The following BRDT variants were observed in gnomAD, a reference collection of about 807,000 sequenced individuals.
BRDT encodes the protein bromodomain testis-specific protein.
BRDT carries 77 observed loss-of-function variants against 113.9 expected under a neutral mutation model. The ratio of observed to expected loss-of-function variants is 0.68; its 90% CI spans 0.56 to 0.82. The LOEUF is 0.82. Ranked by LOEUF, BRDT falls within the 40% of genes least tolerant of loss-of-function variation. The probability of loss-of-function intolerance (pLI) is 0.00; values close to 1 mark genes in which losing one functional copy is unlikely to be tolerated. For missense variants in BRDT, 1,027 were observed against 1,105.4 expected (o/e 0.93, Z 1.01); for synonymous variants, 358 against 366.5 (o/e 0.98, Z 0.26).
At chr1:91,987,106 G>C (rs1409311160) in intron 12 of BRDT, among the ~76,000 whole-genome samples, 1 of 151,970 alleles carries the variant, frequency 6.6e-6, no homozygotes, top group African/African-American at 2.4e-5. Context: ...TTTTAGTAGA[G>C]AGTGGGTTTC....
chr1:92,014,367 C>T lies in BRDT; in HGVS notation c.*93C>T, dbSNP rs1688040908. 3 of 830,172 alleles carry T rather than the reference C, an allele frequency of 3.6e-6. No individual in the cohort carries two copies. Among genetic ancestry groups the T allele is most frequent in the Admixed American group, 6.4e-5 (2 of 31,480 alleles). The allele number at this position is 830,172 out of a possible 1,614,324, so 51.4% of individuals were successfully genotyped here. On this transcript the variant is annotated 3_prime_UTR_variant, in exon 19 of 19. Transcript: ENST00000399546. ...TGATTGCTTTCAGATAACAAGATAC[C>T]AATCTTATATTGTATTTTGACTGCT...
At position 91,978,164 on chromosome 1, in the gene BRDT, T is replaced by G; in HGVS notation, c.970-4T>G. The G allele has an allele frequency of 6.2e-7, 1 of 1,609,788 alleles. No homozygotes were observed. The highest frequency in any genetic ancestry group is 1.1e-5 in the South Asian group (1 of 90,618). ...GTGAATCCTGTAGTTTTTCTTTAAT[T>G]TAGGAGAAAATGGATAACCAAGAAT... On this transcript the variant is annotated splice_polypyrimidine_tract_variant and splice_region_variant and intron_variant, in intron 6 of 18. Coordinates refer to ENST00000399546, the MANE Select transcript of BRDT (RefSeq NM_207189.4).
chr1:91,982,029 T>G (rs1684778896), intron 12 of BRDT, among the ~76,000 whole-genome samples: 1 of 152,164 alleles, frequency 6.6e-6, no homozygotes. Context: ...TAATTTCAAA[T>G]CTTAATATCA....
chr1:91,954,271 ATTTTTTTT>A (rs34674557), intron 1 of BRDT, among the ~76,000 whole-genome samples: 2 of 79,764 alleles, frequency 2.5e-5, no homozygotes, highest in African/African-American at 5.1e-5. Flanking sequence ...GGTGCTCGGC[ATTTTTTTT>A]TTTTTTTTTT....
At position 91,981,068 on chromosome 1, in the gene BRDT, C is replaced by T; in HGVS notation, c.1640C>T (p.Ser547Phe). The part of the protein sequence containing the change: ...IQSREPSLSN[S>F]NPDEIEIDFE... ...TCAAGAGAGCCTTCTCTGAGCAATT[C>T]CAATCCTGATGAGATAGAGATAGAC... Residue 547 changes from serine to phenylalanine, a missense_variant, in exon 10 of 19, where the codon TCC becomes TTC. By Grantham distance (155) the Ser-to-Phe change is radical. Coordinates refer to ENST00000399546, the MANE Select transcript of BRDT (RefSeq NM_207189.4). 1.2e-6 allele frequency: 2 copies of T among 1,614,088 alleles called. No individual in the cohort carries two copies. The highest frequency in any genetic ancestry group is 1.7e-6 in the Non-Finnish European group (2 of 1,179,986).
At chr1:91,967,480 C>T (rs993984785) in intron 3 of BRDT, among the ~76,000 whole-genome samples, 7 of 151,926 alleles carry the variant, frequency 4.6e-5, no homozygotes, top group Non-Finnish European at 8.8e-5. Flanking sequence ...CTCACCTCAA[C>T]CTCTGCCTCC....
At chr1:92,006,119 TTTA>T (rs1364615220) in intron 18 of BRDT, among the ~76,000 whole-genome samples, 1 of 152,250 alleles carries the variant, frequency 6.6e-6, no homozygotes, top group Non-Finnish European at 1.5e-5. Flanking sequence ...TTGTTTGAAA[TTTA>T]TTGAGACTTA....
At chr1:91,984,347 C>A (rs925708279) in intron 12 of BRDT, among the ~76,000 whole-genome samples, 4 of 150,978 alleles carry the variant, frequency 2.6e-5, no homozygotes, top group East Asian at 1.9e-4. Flanking sequence ...ACAACACACA[C>A]AAAAAAAAGC....
chr1:92,001,299 A>C (rs1186365184), intron 15 of BRDT, among the ~76,000 whole-genome samples: 1 of 152,254 alleles, frequency 6.6e-6, no homozygotes, highest in African/African-American at 2.4e-5. Context: ...GTATGTGCTC[A>C]GTAAATGTTT....
At position 91,994,648 on chromosome 1, in the gene BRDT, C is replaced by T. The variant is rs187642693; in HGVS notation, c.2287+394C>T. 7.5e-3 allele frequency among the ~76,000 whole-genome samples: 1,135 copies of T among 151,876 alleles called. 11 individuals carry two copies. The highest frequency in any genetic ancestry group is 0.011 in the Non-Finnish European group (770 of 67,896). ...TTGGGAGGCCGAGGCGGGCGGATCA[C>T]GAGGTCAGGAGATTGAGACCATCCC... is the stretch of plus-strand genomic sequence containing the variant. On this transcript the variant is annotated intron_variant, in intron 15 of 18. Transcript: ENST00000399546.
At chr1:91,992,607 C>T (rs1448057007) in intron 14 of BRDT, among the ~76,000 whole-genome samples, 1 of 152,164 alleles carries the variant, frequency 6.6e-6, no homozygotes, top group Non-Finnish European at 1.5e-5. Flanking sequence ...ATGATCTTCC[C>T]TCACTTCAAC....
In BRDT at chr1:91,949,425, C is replaced by G. The variant is rs1176112694; in HGVS notation, c.-295C>G. ...TACAACAAAAACTGGCGGCGAGGAA[C>G]TGCGGAGAACTGTTGCCCTGCACCG... is the stretch of plus-strand genomic sequence containing the variant. On this transcript the variant is annotated 5_prime_UTR_variant, in exon 1 of 19. Coordinates refer to ENST00000399546, the MANE Select transcript of BRDT (RefSeq NM_207189.4). 1.3e-5 allele frequency: 2 copies of G among 152,392 alleles called. No homozygotes were observed. Among genetic ancestry groups the G allele is most frequent in the South Asian group, 4.1e-4 (2 of 4,820 alleles). 9.4% of individuals were successfully genotyped at this position (152,392 alleles called of 1,614,324 possible). A position where few individuals can be genotyped will look rare whatever the true frequency, so the allele number is the denominator to read the frequency against.
Position 91,977,412 on chromosome 1 carries a change from G to A in BRDT, c.969+19G>A. 1 of 1,446,826 alleles carries A rather than the reference G, an allele frequency of 6.9e-7. No homozygotes were observed. The highest frequency in any genetic ancestry group is 9.2e-7 in the Non-Finnish European group (1 of 1,084,740). The allele number at this position is 1,446,826 out of a possible 1,614,324, so 89.6% of individuals were successfully genotyped here. A position where few individuals can be genotyped will look rare whatever the true frequency, so the allele number is the denominator to read the frequency against. ...TATTAAGGTAAATGTTGCCTTAAAA[G>A]GAAGAACTTCTTTTTCTTGATTATA... On this transcript the variant is annotated intron_variant, in intron 6 of 18. Coordinates refer to ENST00000399546, the MANE Select transcript of BRDT (RefSeq NM_207189.4).
chr1:92,002,402 C>T lies in BRDT; in HGVS notation c.2388+253C>T, dbSNP rs141238143. ...TTTTTGAGATGGAGTCTCACTCTGT[C>T]GCCTAGGCTGGAGTGCCGTGGCACG... On this transcript the variant is annotated intron_variant, in intron 16 of 18. Coordinates refer to ENST00000399546, the MANE Select transcript of BRDT (RefSeq NM_207189.4). Among the ~76,000 whole-genome samples, 247 of 152,064 alleles carry T rather than the reference C, an allele frequency of 1.6e-3. 3 individuals carry two copies. Among genetic ancestry groups the T allele is most frequent in the African/African-American group, 5.8e-3 (240 of 41,472 alleles).
intron 1 of BRDT, among the ~76,000 whole-genome samples, chr1:91,961,788 A>G (rs1471677479): frequency 3.3e-5 from 5 of 152,162 alleles, no homozygotes; most frequent in South Asian, 2.1e-4. Flanking sequence ...CTAGGAATTT[A>G]TAGACTTTTC....
Position 91,992,013 on chromosome 1 carries a change from AAAAAAG to A in BRDT, c.2065-246_2065-241del, listed in dbSNP as rs1254374119. On this transcript the variant is annotated intron_variant, in intron 13 of 18. Coordinates refer to ENST00000399546, the MANE Select transcript of BRDT (RefSeq NM_207189.4). Reference sequence around the variant, plus strand: ...TCTCAAAAAAAAAAAAAAAAAAAAAAAAAAAGAAAAGAAAAAGAAAAGAACAGAAGT... The same window carrying A: ...TCTCAAAAAAAAAAAAAAAAAAAAAAAAAAGAAAAAGAAAAGAACAGAAGT... Among the ~76,000 whole-genome samples, 251 of 145,904 alleles carry A rather than the reference AAAAAAG, an allele frequency of 1.7e-3. 1 individual carries two copies. The highest frequency in any genetic ancestry group is 6.7e-3 in the South Asian group (30 of 4,454).
At chr1:91,987,156 G>A (rs948241777) in intron 12 of BRDT, among the ~76,000 whole-genome samples, 2 of 152,012 alleles carry the variant, frequency 1.3e-5, no homozygotes, top group Non-Finnish European at 2.9e-5. Flanking sequence ...CTGGCTTCAA[G>A]CGATCTGCCT....
chr1:91,978,426 A>G, intron 7 of BRDT, 130 bp downstream of exon 7: 1 of 1,034,398 alleles, frequency 9.7e-7, no homozygotes, highest in Non-Finnish European at 1.4e-6. Context: ...AAAAACCACA[A>G]TTACTTTTGC....
At chr1:91,995,981 A>AAAAT (rs1172055495) in intron 15 of BRDT, among the ~76,000 whole-genome samples, 1 of 152,160 alleles carries the variant, frequency 6.6e-6, no homozygotes, top group Non-Finnish European at 1.5e-5. Context: ...ATCAATGGAG[A>AAAAT]AAATATCTAA....
Sources: allele counts gnomAD v4.1 joint callset (sites outside exome capture counted in the v4.1 genomes callset), GRCh38; gene constraint gnomAD v4.1.1; transcripts MANE v1.5; gene names NCBI Gene and HGNC (gene_info 2026-07-23, HGNC 2026-07-21).